TRIM25: variants seen among roughly 807,000 people sequenced by gnomAD.
The protein encoded by TRIM25 is E3 ubiquitin/ISG15 ligase TRIM25.
In TRIM25, 45 loss-of-function variants were observed where a neutral mutation model predicts 65.2. The ratio of observed to expected loss-of-function variants is 0.69; its 90% CI spans 0.54 to 0.89. The LOEUF is 0.89. Ranked by LOEUF, TRIM25 falls within the 40% of genes least tolerant of loss-of-function variation. TRIM25 has a pLI of 0.00. For synonymous variants in TRIM25, 321 were observed against 340.4 expected, an observed-to-expected ratio of 0.94 and a Z score of 0.63; for missense variants, 714 against 803.7, an observed-to-expected ratio of 0.89 and a Z score of 1.35.
chr17:56,897,000 C>T (rs1050429872), intron 5 of TRIM25, among the ~76,000 whole-genome samples: 4 of 151,734 alleles, frequency 2.6e-5, no homozygotes, highest in Admixed American at 2.6e-4. Flanking sequence ...ACAGTCCTAA[C>T]TCCTCAAGAG....
In TRIM25 at chr17:56,895,367, T is replaced by C; in HGVS notation, c.1339A>G (p.Lys447Glu). 6.2e-7 allele frequency: 1 copy of C among 1,614,116 alleles called. No homozygotes were observed. The highest frequency in any genetic ancestry group is 2.2e-5 in the East Asian group (1 of 44,866). Residue 447 changes from lysine (K) to glutamate (E), a missense_variant, in exon 8 of 9, where the codon AAG becomes GAG. By Grantham distance (56) the Lys-to-Glu change is moderately conservative. This residue lies in a region of TRIM25 where 413 missense variants were observed against 498.2 expected (regional missense o/e 0.83). Coordinates refer to ENST00000316881, the MANE Select transcript of TRIM25 (RefSeq NM_005082.5). ...KAKVLETFLA[K>E]SRPELLEYYI... ...CACTCCAGGAGCTCAGGTCTGGACT[T>C]GGCCAGGAAGGTCTCCAGCACCTTG...
chr17:56,892,332 T>C, intron 8 of TRIM25, 103 bp from the exon 9 acceptor site: 1 of 1,306,020 alleles, frequency 7.7e-7, no homozygotes, highest in Non-Finnish European at 1.0e-6. Context: ...TATCCATCCA[T>C]GCACCCATCT....
At position 56,913,275 on chromosome 17, in the gene TRIM25, T is replaced by G; in HGVS notation, c.597+117A>C. ...CTCTGACATTGGAGATGCCCCGGCC[T>G]CGAATTCAGGCCCATCTCCCCAGGG... On this transcript the variant is annotated intron_variant, in intron 1 of 8. Coordinates refer to ENST00000316881, the MANE Select transcript of TRIM25 (RefSeq NM_005082.5). This position sits in a 1 kb window ranked among gnomAD's most constrained non-coding sequence, Gnocchi z 6.1. The G allele has an allele frequency of 1.1e-6, 1 of 908,612 alleles. No homozygotes were observed. The highest frequency in any genetic ancestry group is 1.6e-6 in the Non-Finnish European group (1 of 625,594). 56.3% of individuals were successfully genotyped at this position (908,612 alleles called of 1,614,324 possible). A position where few individuals can be genotyped will look rare whatever the true frequency, so the allele number is the denominator to read the frequency against.
intron 1 of TRIM25, chr17:56,908,864 C>T (rs902792750): frequency 8.8e-6 from 3 of 341,160 alleles, no homozygotes; most frequent in Non-Finnish European, 1.7e-5. Context: ...TACAACTGTC[C>T]CCAGCTCACA....
chr17:56,891,811 G>C lies in TRIM25; in HGVS notation c.1782C>G (p.Ala594=). 6.2e-7 allele frequency: 1 copy of C among 1,614,180 alleles called. No homozygotes were observed. Among genetic ancestry groups the C allele is most frequent in the Non-Finnish European group, 8.5e-7 (1 of 1,180,036 alleles). The change falls in exon 9 of 9, where the codon GCC becomes GCG. Residue 594 remains alanine (A), a synonymous_variant. Coordinates refer to ENST00000316881, the MANE Select transcript of TRIM25 (RefSeq NM_005082.5). ...ACTTATACATCAGGTGGACCTTGTC[G>C]GCAACAGCGAAGAAGATGACAAAGC... ...DHGFVIFFAV[A]DKVHLMYKFR...
Position 56,904,224 on chromosome 17 carries a change from AAAC to A in TRIM25, c.927+28_927+30del, listed in dbSNP as rs750589618. 3 of 1,570,912 alleles carry A rather than the reference AAAC, an allele frequency of 1.9e-6. No homozygotes were observed. In the East Asian group the frequency reaches 6.7e-5, roughly 35 times the overall value. ...ATGACATCAGGCAAAAAAAAAAAAA[AAAC>A]ATTCAACAATGCCTTGTGGCGACCT... On this transcript the variant is annotated intron_variant, in intron 3 of 8. Coordinates refer to ENST00000316881, the MANE Select transcript of TRIM25 (RefSeq NM_005082.5).
Position 56,891,990 on chromosome 17 carries a change from G to A in TRIM25, c.1603C>T (p.Arg535Trp), listed in dbSNP as rs756042254. ...CCGAGCCTGCTTTCTGGGCCCTGCC[G>A]GTTCATGCTTCCGTAGCAGATGCCT... ...GVGICYGSMN[R>W]QGPESRLGRN... Residue 535 changes from arginine to tryptophan, a missense_variant, in exon 9 of 9, where the codon CGG becomes TGG. This residue lies in a region of TRIM25 where 413 missense variants were observed against 498.2 expected (regional missense o/e 0.83). Transcript: ENST00000316881. The A allele has an allele frequency of 6.8e-6, 11 of 1,614,168 alleles. No homozygotes were observed. The highest frequency in any genetic ancestry group is 3.3e-5 in the Admixed American group (2 of 60,026).
intron 5 of TRIM25, 174 bp downstream of exon 5, chr17:56,898,941 A>T (rs781690427): frequency 2.6e-5 from 17 of 644,036 alleles, no homozygotes; most frequent in Non-Finnish European, 3.8e-5. Context: ...GCTGATGGAC[A>T]GCGGAGCTTC....
Position 56,899,031 on chromosome 17 carries a change from G to A in TRIM25, c.1153+84C>T, listed in dbSNP as rs1228245278. ...TGAGGTCCAGGCCCCACAGTGACTC[G>A]GGATGGGCCGGAAGTGACTTGGCCA... On this transcript the variant is annotated intron_variant, in intron 5 of 8. Coordinates refer to ENST00000316881, the MANE Select transcript of TRIM25 (RefSeq NM_005082.5). 23 of 1,517,302 alleles carry A rather than the reference G, an allele frequency of 1.5e-5. No homozygotes were observed. The East Asian group carries it at 4.1e-4, about 27-fold the overall frequency. The allele number at this position is 1,517,302 out of a possible 1,614,324, so 94.0% of individuals were successfully genotyped here. A position where few individuals can be genotyped will look rare whatever the true frequency, so the allele number is the denominator to read the frequency against.
chr17:56,910,085 G>C (rs973766049), intron 1 of TRIM25, among the ~76,000 whole-genome samples: 1 of 152,090 alleles, frequency 6.6e-6, no homozygotes, highest in Non-Finnish European at 1.5e-5. Context: ...TACACTACTA[G>C]TAACTGGCAC....
At chr17:56,906,720 G>T (rs1909527715) in intron 2 of TRIM25, among the ~76,000 whole-genome samples, 1 of 152,156 alleles carries the variant, frequency 6.6e-6, no homozygotes, top group South Asian at 2.1e-4. Context: ...GTCTTGAACT[G>T]CTGACCTCAG....
At position 56,890,995 on chromosome 17, in the gene TRIM25, G is replaced by A. The variant is rs1006012738; in HGVS notation, c.*705C>T. 9.2e-6 allele frequency: 4 copies of A among 435,406 alleles called. No individual in the cohort carries two copies. The highest frequency in any genetic ancestry group is 5.0e-5 in the Admixed American group (2 of 39,642). The allele number at this position is 435,406 out of a possible 1,614,324, so 27.0% of individuals were successfully genotyped here. A position where few individuals can be genotyped will look rare whatever the true frequency, so the allele number is the denominator to read the frequency against. Reference sequence around the variant, plus strand: ...GACCCTGAATCACAAATCCAACACAGGCTGATTCCAATCATGGTTTGAAGC... The same window carrying A: ...GACCCTGAATCACAAATCCAACACAAGCTGATTCCAATCATGGTTTGAAGC... On this transcript the variant is annotated 3_prime_UTR_variant, in exon 9 of 9. Transcript: ENST00000316881.
rs141291292 is a variant in TRIM25 at position 56,909,977 on chromosome 17, C to G, written c.598-1414G>C. Among the ~76,000 whole-genome samples, 714 of 152,266 alleles carry G rather than the reference C, an allele frequency of 4.7e-3. 2 individuals are homozygous for G. Among genetic ancestry groups the G allele is most frequent in the Admixed American group, 8.6e-3 (132 of 15,298 alleles). ...TGTTCTAGTGCTTTACCTGTATTAA[C>G]TTACTTAAAGCTAAGAACAACACTA... is the stretch of plus-strand genomic sequence containing the variant. On this transcript the variant is annotated intron_variant, in intron 1 of 8. Transcript: ENST00000316881.
In TRIM25 at chr17:56,913,677, C is replaced by T. The variant is rs748427142; in HGVS notation, c.312G>A (p.Gln104=). Residue 104 remains glutamine, a synonymous_variant, in exon 1 of 9, where the codon CAG becomes CAA. Transcript: ENST00000316881. This position sits in a 1 kb window ranked among gnomAD's most constrained non-coding sequence, Gnocchi z 6.1. The stretch of plus-strand genomic sequence containing the variant: ...CCTTCAGGCAGTGGTCGCAGGCCAC[C>T]TGGGCATTCGGGCTGGGTGCAGAGG... ...ARASAPSPNA[Q]VACDHCLKEA... is the part of the protein sequence containing the mutation. 1.7e-5 allele frequency: 27 copies of T among 1,593,442 alleles called. No homozygotes were observed. The highest frequency in any genetic ancestry group is 2.1e-5 in the Non-Finnish European group (24 of 1,169,260).
At chr17:56,904,921 G>A (rs1909490137) in intron 2 of TRIM25, among the ~76,000 whole-genome samples, 1 of 152,194 alleles carries the variant, frequency 6.6e-6, no homozygotes, top group South Asian at 2.1e-4. Flanking sequence ...ACAACTTGCA[G>A]AAGAAGATCC....
At chr17:56,896,847 G>A (rs1909304395) in intron 5 of TRIM25, among the ~76,000 whole-genome samples, 1 of 151,980 alleles carries the variant, frequency 6.6e-6, no homozygotes, top group African/African-American at 2.4e-5. Context: ...GCTTACTCCT[G>A]TAATCCCAGC....
In TRIM25 at chr17:56,903,034, G is replaced by A. The variant is rs116164193; in HGVS notation, c.927+1221C>T. Among the ~76,000 whole-genome samples the A allele has an allele frequency of 8.8e-3, 1,340 of 152,252 alleles. 27 individuals carry two copies. Among genetic ancestry groups the A allele is most frequent in the African/African-American group, 0.031 (1,279 of 41,534 alleles). ...TTCCTCACCAAAGGCCTAACTAAAAGCCAAACAGATGCTGGTGCCATGCTT... is the reference window on the plus strand; with the variant it reads ...TTCCTCACCAAAGGCCTAACTAAAAACCAAACAGATGCTGGTGCCATGCTT... On this transcript the variant is annotated intron_variant, in intron 3 of 8. Coordinates refer to ENST00000316881, the MANE Select transcript of TRIM25 (RefSeq NM_005082.5).
chr17:56,897,285 G>C (rs1030527310), intron 5 of TRIM25, among the ~76,000 whole-genome samples: 1 of 152,048 alleles, frequency 6.6e-6, no homozygotes. Flanking sequence ...CACAACACTG[G>C]AACAAAAAGG....
At chr17:56,908,081 C>G (rs981002531) in intron 2 of TRIM25, among the ~76,000 whole-genome samples, 2 of 152,302 alleles carry the variant, frequency 1.3e-5, no homozygotes, top group African/African-American at 4.8e-5. Flanking sequence ...TTGTAAGCCA[C>G]CAAGTTTCTG....
Sources: gnomAD v4.1 joint callset for allele counts (sites outside exome capture counted in the v4.1 genomes callset) on GRCh38, gnomAD v4.1.1 for gene constraint, gnomAD v4.1.1 regional missense constraint, Gnocchi (gnomAD v3.1) non-coding constraint, MANE v1.5 for transcripts, NCBI Gene and HGNC (gene_info 2026-07-23, HGNC 2026-07-21) for gene names.